UNC13C: variants seen among roughly 807,000 people sequenced by gnomAD.
UNC13C encodes the protein protein unc-13 homolog C.
Under a neutral mutation model 245.4 loss-of-function variants are expected in UNC13C, and 174 were observed. The ratio of observed to expected loss-of-function variants is 0.71; its 90% CI spans 0.63 to 0.80. The LOEUF (loss-of-function observed/expected upper bound fraction) is 0.80, where lower values mean the gene tolerates loss of function less well. Ranked by LOEUF, UNC13C falls within the 30% of genes least tolerant of loss-of-function variation. The pLI, the probability that UNC13C is intolerant of heterozygous loss-of-function variation, is 0.00. For missense variants in UNC13C, 2,829 were observed against 2,602.9 expected, an observed-to-expected ratio of 1.09 and a Z score of -1.89; for synonymous variants, 992 against 895.1, an observed-to-expected ratio of 1.11 and a Z score of -1.93.
chr15:53,993,286 C>G (rs1438164671), intron 1 of UNC13C, among the ~76,000 whole-genome samples: 2 of 152,030 alleles, frequency 1.3e-5, no homozygotes, highest in African/African-American at 4.8e-5. Flanking sequence ...CCAATATGGT[C>G]CCTGTATTAA....
At chr15:53,921,401 G>C in the UNC13C span, among the ~76,000 whole-genome samples, 1 of 152,132 alleles carries the variant, frequency 6.6e-6, no homozygotes, top group African/African-American at 2.4e-5. Context: ...ATTCACATCT[G>C]TAACTTTATG....
intron 30 of UNC13C, among the ~76,000 whole-genome samples, chr15:54,611,264 A>G (rs1238201294): frequency 6.6e-6 from 1 of 152,196 alleles, no homozygotes; most frequent in African/African-American, 2.4e-5. Flanking sequence ...TGATAGAACA[A>G]TTTCTAAAGC....
chr15:54,029,678 G>T (rs1421599298), intron 2 of UNC13C, among the ~76,000 whole-genome samples: 1 of 152,102 alleles, frequency 6.6e-6, no homozygotes, highest in East Asian at 1.9e-4. Context: ...CCATAAAATG[G>T]CACTTATGCA....
chr15:53,930,165 G>GAGTTTCATGTGTCCTCTCTCTCCAC, the UNC13C span, among the ~76,000 whole-genome samples: 2 of 152,154 alleles, frequency 1.3e-5, no homozygotes, highest in Non-Finnish European at 2.9e-5. Context: ...TTCTCCTCCA[G>GAGTTTCATGTGTCCTCTCTCTCCAC]AGTTTCATGT....
chr15:54,128,221 T>C (rs974445648), intron 2 of UNC13C, among the ~76,000 whole-genome samples: 2 of 151,992 alleles, frequency 1.3e-5, no homozygotes, highest in African/African-American at 4.8e-5. Context: ...AGGTGAAAGA[T>C]TTCTACAAGA....
intron 30 of UNC13C, among the ~76,000 whole-genome samples, chr15:54,591,130 C>T (rs181106201): frequency 6.6e-6 from 1 of 152,100 alleles, no homozygotes; most frequent in African/African-American, 2.4e-5. Context: ...CCCTGCATCC[C>T]TGGTATGAAA....
chr15:54,092,392 A>G (rs568884658), intron 2 of UNC13C, among the ~76,000 whole-genome samples: 1 of 152,214 alleles, frequency 6.6e-6, no homozygotes, highest in Non-Finnish European at 1.5e-5. Context: ...AATCATAACC[A>G]TGATAGTGAT....
chr15:54,414,636 A>G (rs1035236212), intron 18 of UNC13C, among the ~76,000 whole-genome samples: 1 of 149,892 alleles, frequency 6.7e-6, no homozygotes, highest in African/African-American at 2.5e-5. Flanking sequence ...GAAGAGTGAG[A>G]CTCTGTCTCA....
intron 19 of UNC13C, among the ~76,000 whole-genome samples, chr15:54,467,350 T>C (rs938865077): frequency 6.6e-6 from 1 of 151,718 alleles, no homozygotes; most frequent in Non-Finnish European, 1.5e-5. Flanking sequence ...AGCAAAAAAG[T>C]ACACAAACTT....
At chr15:54,463,281 G>A (rs865945149) in intron 19 of UNC13C, among the ~76,000 whole-genome samples, 8 of 68,968 alleles carry the variant, frequency 1.2e-4, no homozygotes, top group Non-Finnish European at 2.2e-4. Context: ...GGGGGGGGGG[G>A]GCCGGTCAGG....
At chr15:54,552,639 AATATAATT>A (rs1392858771) in intron 28 of UNC13C, among the ~76,000 whole-genome samples, 1 of 75,398 alleles carries the variant, frequency 1.3e-5, no homozygotes, top group Non-Finnish European at 2.2e-5. Flanking sequence ...TGTACAATAT[AATATAATT>A]ATATAATTAT....
At chr15:54,161,717 A>T (rs1307417819) in intron 4 of UNC13C, among the ~76,000 whole-genome samples, 10 of 152,060 alleles carry the variant, frequency 6.6e-5, no homozygotes, top group Non-Finnish European at 1.2e-4. Context: ...TTGGGAGGCC[A>T]GGGTGGGCAT....
chr15:54,226,265 T>C (rs1402212660), intron 4 of UNC13C, among the ~76,000 whole-genome samples: 9 of 152,190 alleles, frequency 5.9e-5, no homozygotes, highest in Admixed American at 5.9e-4. Flanking sequence ...GAAGTTTTCA[T>C]TTTTTGTCAT....
At chr15:53,845,300 G>C in the UNC13C span, among the ~76,000 whole-genome samples, 1 of 144,784 alleles carries the variant, frequency 6.9e-6, no homozygotes, top group Non-Finnish European at 1.5e-5. Context: ...ACTCCAGCCT[G>C]GGTGACAGAG....
intron 18 of UNC13C, among the ~76,000 whole-genome samples, chr15:54,408,199 C>CAAAAAAAAAAA (rs71105808): frequency 0.014 from 396 of 29,108 alleles, 72 homozygotes; most frequent in Non-Finnish European, 0.021. Flanking sequence ...GACTCTGCCT[C>CAAAAAAAAAAA]AAAAAAAAAA....
intron 30 of UNC13C, among the ~76,000 whole-genome samples, chr15:54,577,654 T>G (rs1304121034): frequency 1.3e-5 from 2 of 152,166 alleles, no homozygotes; most frequent in African/African-American, 4.8e-5. Context: ...TAGAAAACTC[T>G]CTCTTTCCAG....
At chr15:54,542,251 T>A (rs2141168360) in intron 26 of UNC13C, among the ~76,000 whole-genome samples, 1 of 152,316 alleles carries the variant, frequency 6.6e-6, no homozygotes, top group Admixed American at 6.5e-5. Flanking sequence ...TTGATTTCGT[T>A]ATTTACCCAG....
intron 19 of UNC13C, among the ~76,000 whole-genome samples, chr15:54,493,748 G>T (rs1192710166): frequency 6.6e-6 from 1 of 152,096 alleles, no homozygotes; most frequent in Non-Finnish European, 1.5e-5. Context: ...TACAGTTGTA[G>T]TGAAAACTGG....
chr15:53,965,184 T>C, the UNC13C span, among the ~76,000 whole-genome samples: 1 of 152,160 alleles, frequency 6.6e-6, no homozygotes. Context: ...ATTTTTAATG[T>C]AAAAAGTAGG....
Sources: gnomAD v4.1 joint callset for allele counts (sites outside exome capture counted in the v4.1 genomes callset) on GRCh38, gnomAD v4.1.1 for gene constraint, MANE v1.5 for transcripts, NCBI Gene and HGNC (gene_info 2026-07-23, HGNC 2026-07-21) for gene names.